MACF1: variants seen among roughly 807,000 people sequenced by gnomAD.
The protein encoded by MACF1 is microtubule actin crosslinking factor 1, also known as microtubule-actin cross-linking factor 1.
MACF1 carries 193 observed loss-of-function variants against 854.8 expected under a neutral mutation model. The ratio of observed to expected loss-of-function variants is 0.23; its 90% CI spans 0.20 to 0.25. The LOEUF (loss-of-function observed/expected upper bound fraction) is 0.25. Ranked by LOEUF, MACF1 falls within the 10% of genes least tolerant of loss-of-function variation. The probability of loss-of-function intolerance (pLI) is 1.00; values close to 1 mark genes in which losing one functional copy is unlikely to be tolerated. For synonymous variants in MACF1, 3,185 were observed against 3,226.7 expected (o/e 0.99, Z 0.44); for missense variants, 7,722 against 8,929.1 (o/e 0.86, Z 5.45).
intron 83 of MACF1, 30 bp from the exon 84 acceptor site, chr1:39,448,564 C>T: frequency 6.9e-7 from 1 of 1,457,554 alleles, no homozygotes; most frequent in Admixed American, 2.4e-5. Context: ...TGACTTTTAA[C>T]ACTTTTTTCT....
At chr1:39,196,533 T>C (rs552178476) in intron 2 of MACF1, among the ~76,000 whole-genome samples, 6 of 152,322 alleles carry the variant, frequency 3.9e-5, no homozygotes, top group South Asian at 2.1e-4. Flanking sequence ...CATCGTGCCA[T>C]TTCCAGAAAC....
chr1:39,139,890 T>A (rs1335114974), intron 2 of MACF1, among the ~76,000 whole-genome samples: 1 of 152,158 alleles, frequency 6.6e-6, no homozygotes, highest in African/African-American at 2.4e-5. Flanking sequence ...CTGAGGAAAT[T>A]AAGGCTTAAG....
intron 86 of MACF1, 152 bp from the exon 87 acceptor site, chr1:39,452,532 T>C (rs1168794455): frequency 1.7e-6 from 2 of 1,185,352 alleles, no homozygotes; most frequent in Admixed American, 4.6e-5. Flanking sequence ...CAGTTGATTT[T>C]CAAAGATCTA....
chr1:39,138,441 C>T (rs1007188333), intron 2 of MACF1, among the ~76,000 whole-genome samples: 2 of 151,386 alleles, frequency 1.3e-5, no homozygotes, highest in Non-Finnish European at 1.5e-5. Context: ...AAAAATTAGC[C>T]GGGCATGGTG....
At chr1:39,420,217 A>T (rs1643481682) in intron 58 of MACF1, among the ~76,000 whole-genome samples, 2 of 152,168 alleles carry the variant, frequency 1.3e-5, no homozygotes, top group Non-Finnish European at 2.9e-5. Flanking sequence ...GTGAGATAGG[A>T]TTTGGTTATT....
chr1:39,090,086 G>A (rs1363948693), intron 2 of MACF1, among the ~76,000 whole-genome samples: 1 of 152,234 alleles, frequency 6.6e-6, no homozygotes, highest in African/African-American at 2.4e-5. Flanking sequence ...GCAGATGGAA[G>A]TGGCTTATTC....
rs1553160910 is a variant in MACF1 at position 39,190,395 on chromosome 1, G to GGT, written c.221-40787_221-40786insGT. On this transcript the variant is annotated intron_variant, in intron 2 of 93. Transcript: ENST00000361689. ...TGTGTGTGTGTGTGTGTGTGTGTTTGTTTTTGTTTTTTTTTTTTTTTTTTG... is the reference window on the plus strand; with the variant it reads ...TGTGTGTGTGTGTGTGTGTGTGTTTGGTTTTTTGTTTTTTTTTTTTTTTTTTG... Among the ~76,000 whole-genome samples, 35 of 79,036 alleles carry GGT rather than the reference G, an allele frequency of 4.4e-4. 1 individual carries two copies. Among genetic ancestry groups the GGT allele is most frequent in the Non-Finnish European group, 4.5e-4 (19 of 42,364 alleles). 51.9% of individuals were successfully genotyped at this position (79,036 alleles called of 152,430 possible).
intron 2 of MACF1, among the ~76,000 whole-genome samples, chr1:39,111,938 C>T (rs984782539): frequency 2.0e-5 from 3 of 152,048 alleles, no homozygotes; most frequent in African/African-American, 7.3e-5. Flanking sequence ...CTCTGCACAC[C>T]CAACTATACC....
At position 39,435,612 on chromosome 1, in the gene MACF1, A is replaced by C; in HGVS notation, c.17839A>C (p.Ile5947Leu). The C allele has an allele frequency of 6.2e-7, 1 of 1,614,206 alleles. No homozygotes were observed. The highest frequency in any genetic ancestry group is 8.5e-7 in the Non-Finnish European group (1 of 1,180,026). The stretch of plus-strand genomic sequence containing the variant: ...ACCTCATATTGACAAACTACTAAAG[A>C]TAGGCCCACAACTAAAGGAATTAAA... ...HKPHIDKLLK[I>L]GPQLKELNPE... is the part of the protein sequence containing the mutation. The change falls in exon 70 of 101, where the codon ATA becomes CTA. Residue 5947 changes from isoleucine to leucine, a missense_variant. Transcript: ENST00000564288.
intron 38 of MACF1, among the ~76,000 whole-genome samples, chr1:39,338,268 T>G (rs1282647682): frequency 1.3e-5 from 2 of 152,128 alleles, no homozygotes; most frequent in Admixed American, 6.5e-5. Context: ...TTGTTTTTTT[T>G]TTTTAGTGCA....
rs1342641818 is a variant in MACF1 at position 39,435,918 on chromosome 1, A to T, written c.17988+157A>T. 4.7e-6 allele frequency: 3 copies of T among 639,750 alleles called. No homozygotes were observed. In the Admixed American group the frequency reaches 9.1e-5, roughly 19 times the overall value. 39.6% of individuals were successfully genotyped at this position (639,750 alleles called of 1,614,324 possible). On this transcript the variant is annotated intron_variant, in intron 70 of 100. Transcript: ENST00000564288. ...GAAAGCTTAGCCTATCTTCATTTTT[A>T]TTCCAAGGAACATTGGCATACTGAC...
In MACF1 at chr1:39,144,656, C is replaced by CTT. The variant is rs56164405; in HGVS notation, c.220+60229_220+60230dup. 1.6e-3 allele frequency among the ~76,000 whole-genome samples: 239 copies of CTT among 146,472 alleles called. 1 individual carries two copies. The highest frequency in any genetic ancestry group is 4.8e-3 in the East Asian group (24 of 4,954). ...AAATCAGCGTGGCATCAATTTTGGT[C>CTT]TTTTTTTTTTTTCAAATAGAGACAA... On this transcript the variant is annotated intron_variant, in intron 2 of 93. Coordinates refer to the MACF1 transcript ENST00000361689.
At chr1:39,193,800 G>C (rs956424371) in intron 2 of MACF1, among the ~76,000 whole-genome samples, 1 of 152,028 alleles carries the variant, frequency 6.6e-6, no homozygotes, top group African/African-American at 2.4e-5. Context: ...GGGAGAGAGA[G>C]AGAGAGAGAG....
intron 41 of MACF1, among the ~76,000 whole-genome samples, chr1:39,348,008 C>CAT (rs1647095176): frequency 6.6e-6 from 1 of 152,110 alleles, no homozygotes; most frequent in Non-Finnish European, 1.5e-5. Flanking sequence ...AGTAAGTTGG[C>CAT]ATATAGCAAG....
chr1:39,305,783 A>G (rs930834145), intron 23 of MACF1, among the ~76,000 whole-genome samples: 6 of 152,162 alleles, frequency 3.9e-5, no homozygotes, highest in African/African-American at 1.2e-4. Context: ...TTTCTCACAC[A>G]CAGACAGCAT....
rs111674835 is a variant in MACF1 at position 39,437,949 on chromosome 1, G to A, written c.18161G>A (p.Arg6054His). The A allele has an allele frequency of 6.9e-5, 111 of 1,614,084 alleles. 1 individual carries two copies. The highest frequency in any genetic ancestry group is 3.3e-4 in the Middle Eastern group (2 of 6,062). The change falls in exon 71 of 101, where the codon CGC (arginine) becomes CAC (histidine). Residue 6054 changes from arginine (R) to histidine (H), a missense_variant. Transcript: ENST00000564288. ...CAGCCATCCTTTGAGGCCTTGAAGC[G>A]CCGTGGAGAGGAGCTTATTGGACGA... ...KLQPSFEALK[R>H]RGEELIGRSQ... is the part of the protein sequence containing the mutation.
rs866116307 is a variant in MACF1 at position 39,096,396 on chromosome 1, T to G, written c.220+11958T>G. 6.2e-4 allele frequency among the ~76,000 whole-genome samples: 94 copies of G among 151,048 alleles called. 1 individual carries two copies. The highest frequency in any genetic ancestry group is 2.2e-3 in the African/African-American group (90 of 40,560). Reference sequence around the variant, plus strand: ...ACTGTGAACGAAAAAACCCATATATTGCAACCCCACTTCTCCCTCCCCAGT... The same window carrying G: ...ACTGTGAACGAAAAAACCCATATATGGCAACCCCACTTCTCCCTCCCCAGT... On this transcript the variant is annotated intron_variant, in intron 2 of 93. Transcript: ENST00000361689.
At chr1:39,314,520 A>C (rs1039623853) in intron 26 of MACF1, among the ~76,000 whole-genome samples, 9 of 151,630 alleles carry the variant, frequency 5.9e-5, no homozygotes, top group African/African-American at 1.2e-4. Flanking sequence ...ATATAGATCA[A>C]TATATTTATT....
At chr1:39,170,583 T>C (rs1040913397) in intron 2 of MACF1, among the ~76,000 whole-genome samples, 2 of 152,184 alleles carry the variant, frequency 1.3e-5, no homozygotes, top group Admixed American at 6.5e-5. Flanking sequence ...AGAGGGAGAA[T>C]TTAGAAAATA....
Sources: allele counts gnomAD v4.1 joint callset (sites outside exome capture counted in the v4.1 genomes callset), GRCh38; gene constraint gnomAD v4.1.1; transcripts MANE v1.5; gene names NCBI Gene and HGNC (gene_info 2026-07-23, HGNC 2026-07-21).